EFR3B: variants seen among roughly 807,000 people sequenced by gnomAD.
EFR3B encodes EFR3 homolog B.
A neutral mutation model predicts 104.7 loss-of-function variants in EFR3B; 64 were observed. The observed-to-expected ratio is 0.61, with a 90% confidence interval of 0.50 to 0.75. The LOEUF (loss-of-function observed/expected upper bound fraction) is 0.75, where lower values mean the gene tolerates loss of function less well. Among genes scored for constraint, EFR3B ranks in the 30% least tolerant of loss-of-function variants. The pLI, the probability that EFR3B is intolerant of heterozygous loss-of-function variation, is 0.00. For missense variants in EFR3B, 750 were observed against 1,078.5 expected, an observed-to-expected ratio of 0.70 and a Z score of 4.27; for synonymous variants, 385 against 417.9, an observed-to-expected ratio of 0.92 and a Z score of 0.96.
intron 1 of EFR3B, among the ~76,000 whole-genome samples, chr2:25,068,930 C>CTT (rs571830012): frequency 3.0e-4 from 24 of 80,968 alleles, no homozygotes; most frequent in African/African-American, 5.7e-4. Flanking sequence ...CGCCCGGCAT[C>CTT]TTTTTTTTTT....
intron 5 of EFR3B, among the ~76,000 whole-genome samples, chr2:25,125,174 G>A (rs186648239): frequency 2.6e-5 from 4 of 152,322 alleles, no homozygotes; most frequent in African/African-American, 7.2e-5. Flanking sequence ...AGAATGAATC[G>A]TGCATTTGTG....
At chr2:25,053,530 T>C (rs890389445) in intron 1 of EFR3B, among the ~76,000 whole-genome samples, 10 of 152,190 alleles carry the variant, frequency 6.6e-5, no homozygotes, top group African/African-American at 2.4e-4. Flanking sequence ...CAGTCAGTGC[T>C]TGGCCTGGAG....
At chr2:25,152,880 G>A (rs1558623441) in intron 21 of EFR3B, among the ~76,000 whole-genome samples, 1 of 151,486 alleles carries the variant, frequency 6.6e-6, no homozygotes, top group African/African-American at 2.4e-5. Context: ...GGCCTGTATT[G>A]TTCTAACCTC....
In EFR3B at chr2:25,155,641, G is replaced by A. The variant is rs955396260; in HGVS notation, c.*1301G>A. Reference sequence around the variant, plus strand: ...CTCCAGGTGCCTTTGTGTCTCCCGGGGTGCCACTGACAGAACCTCACCTGG... The same window carrying A: ...CTCCAGGTGCCTTTGTGTCTCCCGGAGTGCCACTGACAGAACCTCACCTGG... On this transcript the variant is annotated 3_prime_UTR_variant, in exon 23 of 23. Coordinates refer to ENST00000403714, the MANE Select transcript of EFR3B (RefSeq NM_014971.2). The A allele has an allele frequency of 6.6e-6, 1 of 152,212 alleles. No homozygotes were observed. Among genetic ancestry groups the A allele is most frequent in the Non-Finnish European group, 1.5e-5 (1 of 68,108 alleles). The allele number at this position is 152,212 out of a possible 1,614,324, so 9.4% of individuals were successfully genotyped here. A position where few individuals can be genotyped will look rare whatever the true frequency, so the allele number is the denominator to read the frequency against.
chr2:25,050,711 A>T (rs1184153622), intron 1 of EFR3B, among the ~76,000 whole-genome samples: 4 of 152,362 alleles, frequency 2.6e-5, no homozygotes, highest in African/African-American at 9.6e-5. Context: ...AAAAATGCAT[A>T]TAAGCAGGCC....
Position 25,151,994 on chromosome 2 carries a change from G to A in EFR3B, c.2272G>A (p.Glu758Lys). 1 of 1,551,736 alleles carries A rather than the reference G, an allele frequency of 6.4e-7. No individual in the cohort carries two copies. The highest frequency in any genetic ancestry group is 8.7e-7 in the Non-Finnish European group (1 of 1,147,000). Residue 758 changes from glutamate (E) to lysine (K), a missense_variant, in exon 21 of 23, where the codon GAG (glutamate) becomes AAG (lysine). Transcript: ENST00000403714. ...VEKFQKAPFE[E>K]IAAHCGARAS... ...GAAGTTCCAGAAGGCACCCTTCGAG[G>A]AGATTGCTGCACACTGCGGGGCCCG...
rs1191621627 is a variant in EFR3B at position 25,142,761 on chromosome 2, A to AAAT, written c.1923-959_1923-957dup. ...GCAACAGGGAGAGACTTGGTCTAAG[A>AAAT]AATAATAATAATAATAAATAAATAA... is the stretch of plus-strand genomic sequence containing the variant. On this transcript the variant is annotated intron_variant, in intron 17 of 22. Transcript: ENST00000403714. Among the ~76,000 whole-genome samples, 34 of 129,288 alleles carry AAAT rather than the reference A, an allele frequency of 2.6e-4. 1 individual carries two copies. Among genetic ancestry groups the AAAT allele is most frequent in the African/African-American group, 9.1e-4 (31 of 34,150 alleles). 84.8% of individuals were successfully genotyped at this position (129,288 alleles called of 152,430 possible).
chr2:25,135,079 C>T (rs182925331), intron 12 of EFR3B, among the ~76,000 whole-genome samples: 55 of 152,258 alleles, frequency 3.6e-4, no homozygotes, highest in African/African-American at 1.1e-3. Flanking sequence ...TCCACTGTCT[C>T]GTTCTTTGTG....
At chr2:25,089,568 C>G (rs906610341) in intron 1 of EFR3B, among the ~76,000 whole-genome samples, 1 of 152,146 alleles carries the variant, frequency 6.6e-6, no homozygotes, top group African/African-American at 2.4e-5. Context: ...AAGACACATC[C>G]TGGCAGCTGC....
At chr2:25,092,916 A>T in intron 2 of EFR3B, 87 bp from the exon 3 acceptor site, 1 of 1,474,962 alleles carries the variant, frequency 6.8e-7, no homozygotes, top group South Asian at 1.3e-5. Flanking sequence ...GTAAATGTTG[A>T]TTCCGTCGAA....
At chr2:25,079,350 T>G (rs1412241183) in intron 1 of EFR3B, among the ~76,000 whole-genome samples, 1 of 152,136 alleles carries the variant, frequency 6.6e-6, no homozygotes, top group African/African-American at 2.4e-5. Context: ...TTGTTAGAGA[T>G]ATATTTTTTG....
chr2:25,048,851 CTT>C (rs1206464299), intron 1 of EFR3B, among the ~76,000 whole-genome samples: 1 of 152,206 alleles, frequency 6.6e-6, no homozygotes, highest in Non-Finnish European at 1.5e-5. Flanking sequence ...GCCCAGGTGT[CTT>C]TTCTTTTATC....
intron 1 of EFR3B, among the ~76,000 whole-genome samples, chr2:25,064,673 G>A (rs1668284217): frequency 1.3e-5 from 2 of 152,150 alleles, no homozygotes; most frequent in African/African-American, 4.8e-5. Flanking sequence ...GACGTGCCAA[G>A]TAGTAGGTAT....
At position 25,131,229 on chromosome 2, in the gene EFR3B, G is replaced by C. The variant is rs1670319799; in HGVS notation, c.850-139G>C. 8.8e-7 allele frequency: 1 copy of C among 1,130,804 alleles called. No homozygotes were observed. Among genetic ancestry groups the C allele is most frequent in the South Asian group, 1.6e-5 (1 of 63,070 alleles). The allele number at this position is 1,130,804 out of a possible 1,614,324, so 70.0% of individuals were successfully genotyped here. Reference sequence around the variant, plus strand: ...GGAAGGATCCAGTAAAGGGCACGAGGTGTCAGTGCCAACTGCAGTGCCCGG... The same window carrying C: ...GGAAGGATCCAGTAAAGGGCACGAGCTGTCAGTGCCAACTGCAGTGCCCGG... On this transcript the variant is annotated intron_variant, in intron 8 of 22. Transcript: ENST00000403714. This position sits in a 1 kb window ranked among gnomAD's most constrained non-coding sequence, Gnocchi z 7.6.
At chr2:25,110,336 C>T (rs67616642) in intron 4 of EFR3B, among the ~76,000 whole-genome samples, 3 of 152,016 alleles carry the variant, frequency 2.0e-5, no homozygotes, top group Non-Finnish European at 2.9e-5. Context: ...CACATATGTG[C>T]GTTAGGAGTT....
At chr2:25,058,296 T>G (rs1668079137) in intron 1 of EFR3B, 1 of 152,180 alleles carries the variant, frequency 6.6e-6, no homozygotes, top group African/African-American at 2.4e-5. Flanking sequence ...GCCACTGCAC[T>G]CTAGCCTGGG....
At chr2:25,120,342 C>T (rs1669978170) in intron 4 of EFR3B, among the ~76,000 whole-genome samples, 1 of 146,070 alleles carries the variant, frequency 6.8e-6, no homozygotes. Context: ...CAGAGTGAGA[C>T]TTCATCTCAA....
chr2:25,051,627 G>T (rs1667871758), intron 1 of EFR3B, among the ~76,000 whole-genome samples: 1 of 99,994 alleles, frequency 1.0e-5, no homozygotes, highest in Non-Finnish European at 2.2e-5. Context: ...TCTCTTTTGT[G>T]TGTGTGTGTG....
chr2:25,131,439 G>A lies in EFR3B; in HGVS notation c.921G>A (p.Thr307=), dbSNP rs778993621. Residue 307 remains threonine, a synonymous_variant, in exon 9 of 23, where the codon ACG becomes ACA. Coordinates refer to ENST00000403714, the MANE Select transcript of EFR3B (RefSeq NM_014971.2). This position sits in a 1 kb window ranked among gnomAD's most constrained non-coding sequence, Gnocchi z 7.6. ...ACGCCAACAGCCGCAGCGCTGCGAC[G>A]GTGCGCGCGGGCATCGTGGAAGTCT... ...HLDANSRSAA[T]VRAGIVEVLS... The A allele has an allele frequency of 6.4e-6, 10 of 1,550,652 alleles. No individual in the cohort carries two copies. Among genetic ancestry groups the A allele is most frequent in the East Asian group, 4.9e-5 (2 of 40,924 alleles).
Sources: allele counts gnomAD v4.1 joint callset (sites outside exome capture counted in the v4.1 genomes callset), GRCh38; gene constraint gnomAD v4.1.1; non-coding constraint Gnocchi (gnomAD v3.1); transcripts MANE v1.5; gene names NCBI Gene and HGNC (gene_info 2026-07-23, HGNC 2026-07-21).